Variants in DMD observed in about 807,000 individuals in gnomAD.
DMD encodes mutant dystrophin.
DMD carries 63 observed loss-of-function variants against 330.1 expected under a neutral mutation model. The ratio of observed to expected loss-of-function variants is 0.19; its 90% CI spans 0.16 to 0.24. The LOEUF is 0.24. Ranked by LOEUF, DMD falls within the 10% of genes least tolerant of loss-of-function variation. The probability of loss-of-function intolerance (pLI) is 1.00; values close to 1 mark genes in which losing one functional copy is unlikely to be tolerated. For missense variants in DMD, 3,344 were observed against 2,684.1 expected, an observed-to-expected ratio of 1.25 and a Z score of -5.43; for synonymous variants, 1,223 against 959.8, an observed-to-expected ratio of 1.27 and a Z score of -5.07.
At chrX:32,655,060 G>T (rs763185639) in intron 9 of DMD, among the ~76,000 whole-genome samples, 63 of 110,851 alleles carry the variant, frequency 5.7e-4, no homozygotes, top group African/African-American at 1.9e-3. Context: ...TCTTGCTAGC[G>T]ATCTATCAAT....
intron 1 of DMD, among the ~76,000 whole-genome samples, chrX:33,172,643 T>C (rs890918176): frequency 6.3e-5 from 7 of 111,802 alleles, no homozygotes; most frequent in Non-Finnish European, 1.1e-4. Context: ...ACAAACACTA[T>C]TGGGAGAGAT....
intron 18 of DMD, among the ~76,000 whole-genome samples, chrX:32,508,633 G>A (rs982482250): frequency 9.0e-6 from 1 of 110,896 alleles, no homozygotes; most frequent in African/African-American, 3.3e-5. Flanking sequence ...GGGATTAAAG[G>A]AAGCTCGCTA....
chrX:32,114,321 ACTCT>A (rs1326753422), intron 44 of DMD, among the ~76,000 whole-genome samples: 8 of 109,960 alleles, frequency 7.3e-5, no homozygotes, highest in African/African-American at 2.6e-4. Flanking sequence ...CTGTGCCTCA[ACTCT>A]CTCTCTCCCC....
Position 31,987,233 on chromosome X carries a change from T to C in DMD, c.6439-18719A>G, listed in dbSNP as rs745313590. On this transcript the variant is annotated intron_variant, in intron 44 of 78. Coordinates refer to ENST00000357033, the MANE Select transcript of DMD (RefSeq NM_004006.3). ...CTTAATTGCCAAACAATTAAGACCT[T>C]TACTTGATCAAATCAAGAAAATTAG... Among the ~76,000 whole-genome samples the C allele has an allele frequency of 9.9e-4, 111 of 112,112 alleles. 1 individual carries two copies. Among genetic ancestry groups the C allele is most frequent in the African/African-American group, 3.5e-3 (108 of 30,891 alleles).
intron 67 of DMD, among the ~76,000 whole-genome samples, chrX:31,202,124 T>C (rs1345724599): frequency 9.0e-6 from 1 of 111,172 alleles, no homozygotes; most frequent in Non-Finnish European, 1.9e-5. Context: ...AGGCGGAGGT[T>C]GCAGTGAGCC....
intron 1 of DMD, among the ~76,000 whole-genome samples, chrX:33,232,615 G>A (rs1286809584): frequency 1.8e-5 from 2 of 111,659 alleles, no homozygotes; most frequent in African/African-American, 3.3e-5. Flanking sequence ...AAGGAGCCAG[G>A]TGCGGAGTCT....
rs760380884 is a variant in DMD at position 33,097,574 on chromosome X, T to C, written c.32-77374A>G. Among the ~76,000 whole-genome samples, 4 of 108,830 alleles carry C rather than the reference T, an allele frequency of 3.7e-5. No individual in the cohort carries two copies. The South Asian group carries it at 1.6e-3, about 43-fold the overall frequency. The allele number at this position is 108,830 out of a possible 115,157, so 94.5% of individuals were successfully genotyped here. ...TGTCACCTTTACTGTCTTCTAACGATGTGTGTCCAAAACAGTATTTATACA... is the reference window on the plus strand; with the variant it reads ...TGTCACCTTTACTGTCTTCTAACGACGTGTGTCCAAAACAGTATTTATACA... On this transcript the variant is annotated intron_variant, in intron 1 of 78. Transcript: ENST00000357033.
At chrX:32,334,275 CA>C (rs1238843510) in intron 41 of DMD, among the ~76,000 whole-genome samples, 1 of 111,583 alleles carries the variant, frequency 9.0e-6, no homozygotes, top group Non-Finnish European at 1.9e-5. Flanking sequence ...TTTCCCTTAA[CA>C]ACCATTATTA....
Position 32,463,594 on chromosome X carries a change from G to T in DMD, c.3277C>A (p.Leu1093Ile). The change falls in exon 25 of 79, where the codon CTT (leucine) becomes ATT (isoleucine). Residue 1093 changes from leucine (L) to isoleucine (I), a missense_variant and splice_region_variant. Coordinates refer to ENST00000357033, the MANE Select transcript of DMD (RefSeq NM_004006.3). ...ATTGTCTGAATATCACTGACTAAAA[G>T]CTAAGAAAATAAATCAATTTAAGCC... is the stretch of plus-strand genomic sequence containing the variant. The part of the protein sequence containing the change: ...ILKKQLKQCR[L>I]LVSDIQTIQP... 1.8e-6 allele frequency: 2 copies of T among 1,134,562 alleles called. No individual in the cohort carries two copies. The highest frequency in any genetic ancestry group is 2.3e-6 in the Non-Finnish European group (2 of 853,484). The allele number at this position is 1,134,562 out of a possible 1,213,427, so 93.5% of individuals were successfully genotyped here.
In DMD at chrX:33,259,276, C is replaced by T. The variant is rs147263275; in HGVS notation, c.7+79983G>A. Among the ~76,000 whole-genome samples the T allele has an allele frequency of 2.9e-3, 321 of 110,126 alleles. 2 individuals are homozygous for T. Among genetic ancestry groups the T allele is most frequent in the African/African-American group, 9.9e-3 (302 of 30,425 alleles). ...CATACAGCTTCCCCCACCATCAAAA[C>T]TTCATACCACAATGGTATGTTACAA... On this transcript the variant is annotated intron_variant, in intron 1 of 17. Coordinates refer to the DMD transcript ENST00000288447.
At chrX:32,879,314 GGAAGAAA>G (rs2083684685) in intron 2 of DMD, among the ~76,000 whole-genome samples, 1 of 111,441 alleles carries the variant, frequency 9.0e-6, no homozygotes, top group Non-Finnish European at 1.9e-5. Flanking sequence ...CAGCATTGGA[GGAAGAAA>G]GAGTCACCAT....
At chrX:32,327,551 A>C (rs1207716730) in intron 41 of DMD, among the ~76,000 whole-genome samples, 1 of 111,419 alleles carries the variant, frequency 9.0e-6, no homozygotes, top group Admixed American at 9.6e-5. Context: ...GAAGAAAACC[A>C]TTTTTCTCTT....
chrX:32,139,245 C>A (rs1461291572), intron 44 of DMD, among the ~76,000 whole-genome samples: 1 of 111,802 alleles, frequency 8.9e-6, no homozygotes, highest in Non-Finnish European at 1.9e-5. Context: ...AAAACAAGCG[C>A]CCCTTAAGAC....
At chrX:31,697,452 T>C (rs2083516760) in intron 52 of DMD, among the ~76,000 whole-genome samples, 1 of 110,918 alleles carries the variant, frequency 9.0e-6, no homozygotes, top group African/African-American at 3.3e-5. Flanking sequence ...GGGAAATAAA[T>C]AACCAATGCT....
chrX:31,362,550 C>A (rs939367359), intron 60 of DMD, among the ~76,000 whole-genome samples: 2 of 112,734 alleles, frequency 1.8e-5, no homozygotes, highest in Non-Finnish European at 3.7e-5. Flanking sequence ...AAATCCAAAA[C>A]ACTTCTGGTC....
intron 1 of DMD, among the ~76,000 whole-genome samples, chrX:33,170,936 C>T (rs1256660295): frequency 1.8e-5 from 2 of 111,713 alleles, no homozygotes; most frequent in East Asian, 5.6e-4. Context: ...ACTACTCTTC[C>T]TCCACTGAAT....
intron 48 of DMD, among the ~76,000 whole-genome samples, chrX:31,865,795 C>G (rs1462839328): frequency 8.9e-6 from 1 of 111,978 alleles, no homozygotes. Context: ...ATTGAAATCT[C>G]ATTTGGTTCA....
At chrX:31,721,589 ATCTC>A (rs59628263) in intron 52 of DMD, among the ~76,000 whole-genome samples, 25,541 of 90,595 alleles carry the variant, frequency 0.28, 3,723 homozygotes, top group African/African-American at 0.47. Flanking sequence ...CTTAAAATCA[ATCTC>A]TCTCTCTCTC....
In DMD at chrX:32,412,061, G is replaced by C. The variant is rs373849810; in HGVS notation, c.4072-148C>G. 3.1e-5 allele frequency: 37 copies of C among 1,184,470 alleles called. No homozygotes were observed. The African/African-American group carries it at 5.3e-4, about 17-fold the overall frequency. ...TTCGCAGCTTCCTGGCACTCATTCA[G>C]CTCTGTTGATAGAAAAAAAATGTGA... On this transcript the variant is annotated intron_variant, in intron 29 of 78. Coordinates refer to ENST00000357033, the MANE Select transcript of DMD (RefSeq NM_004006.3).
Sources: allele counts gnomAD v4.1 joint callset (sites outside exome capture counted in the v4.1 genomes callset), GRCh38; gene constraint gnomAD v4.1.1; transcripts MANE v1.5; gene names NCBI Gene and HGNC (gene_info 2026-07-23, HGNC 2026-07-21).